The following BRPF3 variants were observed in gnomAD, a reference collection of about 807,000 sequenced individuals.
BRPF3 encodes bromodomain and PHD finger containing 3.
A neutral mutation model predicts 102.0 loss-of-function variants in BRPF3; 18 were observed. The ratio of observed to expected loss-of-function variants is 0.18; its 90% CI spans 0.12 to 0.26. The LOEUF (loss-of-function observed/expected upper bound fraction) is 0.26. BRPF3 is among the 10% of genes least tolerant of loss of function. The probability of loss-of-function intolerance (pLI) is 1.00; values close to 1 mark genes in which losing one functional copy is unlikely to be tolerated. For synonymous variants in BRPF3, 570 were observed against 614.2 expected (o/e 0.93, Z 1.06); for missense variants, 1,147 against 1,567.8 (o/e 0.73, Z 4.53).
intron 11 of BRPF3, among the ~76,000 whole-genome samples, chr6:36,228,626 C>T (rs1251897011): frequency 2.6e-5 from 4 of 152,146 alleles, no homozygotes; most frequent in Admixed American, 6.5e-5. Context: ...GCAAAGCCTT[C>T]TTCATAGCCG....
At chr6:36,197,437 C>A (rs1561814382) in intron 1 of BRPF3, 1 of 152,298 alleles carries the variant, frequency 6.6e-6, no homozygotes, top group Non-Finnish European at 1.5e-5. Flanking sequence ...CGCCCCTCCC[C>A]TCTGAGGAGA....
At chr6:36,209,249 G>T (rs1054571173) in intron 4 of BRPF3, among the ~76,000 whole-genome samples, 1 of 152,160 alleles carries the variant, frequency 6.6e-6, no homozygotes, top group African/African-American at 2.4e-5. Flanking sequence ...TTATCGTGAT[G>T]ATTAATTGAG....
chr6:36,202,929 G>A (rs539237877), intron 2 of BRPF3, among the ~76,000 whole-genome samples: 14 of 152,258 alleles, frequency 9.2e-5, no homozygotes, highest in South Asian at 2.1e-4. Context: ...AGACTTGCCA[G>A]GCTGGGAAGA....
intron 1 of BRPF3, chr6:36,197,327 C>G (rs971429171): frequency 5.3e-5 from 8 of 152,228 alleles, no homozygotes; most frequent in African/African-American, 1.7e-4. Flanking sequence ...GGGCAGGTGA[C>G]GCAGCCAATG....
chr6:36,201,442 A>G lies in BRPF3; in HGVS notation c.1120A>G (p.Ile374Val), dbSNP rs1767694013. The G allele has an allele frequency of 1.2e-6, 2 of 1,614,234 alleles. No homozygotes were observed. The highest frequency in any genetic ancestry group is 8.5e-7 in the Non-Finnish European group (1 of 1,180,044). Reference protein sequence around the residue: ...PMRETSLNGTIFTVRKTAYCE... With the variant: ...PMRETSLNGTVFTVRKTAYCE... ...GCGCGAAACCAGCCTCAATGGCACCATCTTTACAGTGCGCAAGACTGCCTA... is the reference window on the plus strand; with the variant it reads ...GCGCGAAACCAGCCTCAATGGCACCGTCTTTACAGTGCGCAAGACTGCCTA... Residue 374 changes from isoleucine to valine, a missense_variant, in exon 2 of 13, where the codon ATC becomes GTC. This residue lies in a region of BRPF3 where 157 missense variants were observed against 163.6 expected (regional missense o/e 0.96). Coordinates refer to ENST00000357641, the MANE Select transcript of BRPF3 (RefSeq NM_015695.3). The surrounding 1 kb of genome is among the most constrained non-coding windows in gnomAD (Gnocchi z 5.1).
At chr6:36,229,219 G>A (rs944066143) in intron 12 of BRPF3, among the ~76,000 whole-genome samples, 163 bp downstream of exon 12, 1 of 152,210 alleles carries the variant, frequency 6.6e-6, no homozygotes, top group African/African-American at 2.4e-5. Context: ...GTAACTGAGG[G>A]GTGTTGCAGA....
Position 36,200,630 on chromosome 6 carries a change from G to C in BRPF3, c.308G>C (p.Cys103Ser). ...PSSKGKKKESCSKHASGTSFH... is the reference protein window; with the variant it reads ...PSSKGKKKESSSKHASGTSFH... ...TCCAAGGGCAAAAAGAAGGAATCCT[G>C]CTCCAAGCATGCATCTGGTACTTCC... is the stretch of plus-strand genomic sequence containing the variant. The change falls in exon 2 of 13, where the codon TGC becomes TCC. Residue 103 changes from cysteine to serine, a missense_variant. By Grantham distance (112) the Cys-to-Ser change is moderately radical. Coordinates refer to ENST00000357641, the MANE Select transcript of BRPF3 (RefSeq NM_015695.3). This position sits in a 1 kb window ranked among gnomAD's most constrained non-coding sequence, Gnocchi z 5.3. The C allele has an allele frequency of 6.2e-7, 1 of 1,614,196 alleles. No individual in the cohort carries two copies. The highest frequency in any genetic ancestry group is 8.5e-7 in the Non-Finnish European group (1 of 1,180,036).
At chr6:36,226,184 C>T (rs569773200) in intron 11 of BRPF3, among the ~76,000 whole-genome samples, 3 of 152,304 alleles carry the variant, frequency 2.0e-5, no homozygotes, top group Admixed American at 1.3e-4. Flanking sequence ...ATGATTATTT[C>T]CTTACAGTGA....
In BRPF3 at chr6:36,213,918, A is replaced by C. The variant is rs189565638; in HGVS notation, c.2521A>C (p.Thr841Pro). Residue 841 changes from threonine to proline, a missense_variant, in exon 8 of 13, where the codon ACT becomes CCT. Coordinates refer to ENST00000357641, the MANE Select transcript of BRPF3 (RefSeq NM_015695.3). Reference protein sequence around the residue: ...KLPPPPTLEPTGPAPSLSEQE... With the variant: ...KLPPPPTLEPPGPAPSLSEQE... ...GCCTCCTCCGCCAACCCTGGAGCCC[A>C]CTGGGCCTGCACCTTCCTTGTCTGA... is the stretch of plus-strand genomic sequence containing the variant. 5.0e-5 allele frequency: 80 copies of C among 1,613,252 alleles called. No homozygotes were observed. The highest frequency in any genetic ancestry group is 6.0e-5 in the Non-Finnish European group (71 of 1,179,450).
At chr6:36,206,678 T>A (rs1252883564) in intron 3 of BRPF3, among the ~76,000 whole-genome samples, 3 of 152,228 alleles carry the variant, frequency 2.0e-5, no homozygotes. Context: ...GTCACCTACC[T>A]GTATGTTAAA....
intron 1 of BRPF3, among the ~76,000 whole-genome samples, chr6:36,199,623 T>C (rs910322116): frequency 4.6e-5 from 7 of 152,224 alleles, no homozygotes; most frequent in African/African-American, 1.7e-4. Flanking sequence ...CGTACAGAGC[T>C]TGACAGTGGA....
chr6:36,209,770 C>T lies in BRPF3; in HGVS notation c.1738-17C>T. 6.2e-7 allele frequency: 1 copy of T among 1,612,834 alleles called. No homozygotes were observed. The highest frequency in any genetic ancestry group is 1.1e-5 in the South Asian group (1 of 90,900). ...CAGGGGATGTTCTGATCTGATCTCA[C>T]CCCACCTTCCCCACAGGTCAAAGTC... On this transcript the variant is annotated splice_polypyrimidine_tract_variant and intron_variant, in intron 4 of 12. Coordinates refer to ENST00000357641, the MANE Select transcript of BRPF3 (RefSeq NM_015695.3).
At position 36,230,641 on chromosome 6, in the gene BRPF3, G is replaced by A. The variant is rs1768908568; in HGVS notation, c.*32G>A. ...GGCTGGGCCTGCATCCGCTTGCCCT[G>A]CCTCCATCCCGCAGGGCACAGAGAA... is the stretch of plus-strand genomic sequence containing the variant. On this transcript the variant is annotated 3_prime_UTR_variant, in exon 13 of 13. Transcript: ENST00000357641. This position sits in a 1 kb window ranked among gnomAD's most constrained non-coding sequence, Gnocchi z 5.4. The A allele has an allele frequency of 6.2e-7, 1 of 1,606,386 alleles. No individual in the cohort carries two copies. Among genetic ancestry groups the A allele is most frequent in the South Asian group, 1.1e-5 (1 of 90,428 alleles).
intron 9 of BRPF3, among the ~76,000 whole-genome samples, chr6:36,218,559 A>G (rs1445202969): frequency 6.7e-6 from 1 of 150,346 alleles, no homozygotes; most frequent in African/African-American, 2.5e-5. Flanking sequence ...TCCTGGGTTC[A>G]AGTGATTCTC....
At chr6:36,205,502 G>A (rs756089576) in intron 3 of BRPF3, among the ~76,000 whole-genome samples, 3 of 152,110 alleles carry the variant, frequency 2.0e-5, no homozygotes, top group Non-Finnish European at 2.9e-5. Context: ...GCCTGTATCT[G>A]GCCCGCCTTG....
intron 6 of BRPF3, 121 bp from the exon 7 acceptor site, chr6:36,211,137 T>C (rs1768090493): frequency 2.6e-6 from 3 of 1,154,840 alleles, no homozygotes; most frequent in Non-Finnish European, 3.7e-6. Context: ...GTGACGCTGC[T>C]GGAAGCTGCT....
In BRPF3 at chr6:36,231,700, A is replaced by G. The variant is rs1768946147; in HGVS notation, c.*1091A>G. On this transcript the variant is annotated 3_prime_UTR_variant, in exon 13 of 13. Coordinates refer to ENST00000357641, the MANE Select transcript of BRPF3 (RefSeq NM_015695.3). ...TGCCCTGCCCTGCCTAGCCTCTGCT[A>G]CTCCCACTTCCCAACTCCAGGGAAT... 6.6e-6 allele frequency: 1 copy of G among 151,936 alleles called. No individual in the cohort carries two copies. Among genetic ancestry groups the G allele is most frequent in the African/African-American group, 2.4e-5 (1 of 41,244 alleles). 9.4% of individuals were successfully genotyped at this position (151,936 alleles called of 1,614,324 possible).
chr6:36,225,822 T>A (rs1768721818), intron 11 of BRPF3, among the ~76,000 whole-genome samples: 1 of 152,194 alleles, frequency 6.6e-6, no homozygotes, highest in Non-Finnish European at 1.5e-5. Context: ...AAATGTGTGA[T>A]GTCAAAGCCT....
At chr6:36,204,948 C>G (rs1767853969) in intron 3 of BRPF3, 134 bp downstream of exon 3, 1 of 1,172,864 alleles carries the variant, frequency 8.5e-7, no homozygotes, top group Non-Finnish European at 1.2e-6. Context: ...GGTGGCCTAT[C>G]CCAGGAACAA....
Sources: allele counts gnomAD v4.1 joint callset (sites outside exome capture counted in the v4.1 genomes callset), GRCh38; gene constraint gnomAD v4.1.1; regional missense constraint gnomAD v4.1.1; non-coding constraint Gnocchi (gnomAD v3.1); transcripts MANE v1.5; gene names NCBI Gene and HGNC (gene_info 2026-07-23, HGNC 2026-07-21).